PACRGL: variants seen among roughly 807,000 people sequenced by gnomAD.
PACRGL encodes the protein PACRG-like protein.
PACRGL carries 38 observed loss-of-function variants against 34.5 expected under a neutral mutation model. The ratio of observed to expected loss-of-function variants is 1.10; its 90% CI spans 0.85 to 1.44. PACRGL has a LOEUF of 1.44. PACRGL is among the 40% of genes most tolerant of loss of function. The pLI, the probability that PACRGL is intolerant of heterozygous loss-of-function variation, is 0.00. For synonymous variants in PACRGL, 128 were observed against 100.1 expected, an observed-to-expected ratio of 1.28 and a Z score of -1.66; for missense variants, 305 against 281.4, an observed-to-expected ratio of 1.08 and a Z score of -0.60.
chr4:20,725,716 C>G (rs1560371417), intron 8 of PACRGL, among the ~76,000 whole-genome samples: 1 of 151,880 alleles, frequency 6.6e-6, no homozygotes, highest in African/African-American at 2.4e-5. Context: ...AGACATAAAG[C>G]TTTAGCGAAA....
rs113862107 is a variant in PACRGL, at chr4:20,719,704, A to G, written c.610-5104A>G. ...ACTGTGGTCTGAGAGACAGTTTGTT[A>G]TAATTTCTGTTCTTTTACATTTGCT... On this transcript the variant is annotated intron_variant, in intron 7 of 8. Transcript: ENST00000503585. Among the ~76,000 whole-genome samples the G allele has an allele frequency of 3.9e-3, 596 of 152,164 alleles. 6 individuals carry two copies. Among genetic ancestry groups the G allele is most frequent in the African/African-American group, 0.013 (526 of 41,456 alleles).
At chr4:20,705,547 T>C (rs1021611352) in intron 3 of PACRGL, among the ~76,000 whole-genome samples, 3 of 152,118 alleles carry the variant, frequency 2.0e-5, no homozygotes, top group African/African-American at 7.2e-5. Flanking sequence ...AGCGGCTATG[T>C]TCCTTTGCTT....
intron 7 of PACRGL, chr4:20,718,805 GTC>G: frequency 6.6e-6 from 1 of 152,156 alleles, no homozygotes; most frequent in African/African-American, 2.4e-5. Flanking sequence ...TTTTTGTTGT[GTC>G]TCTGCCAGGT....
chr4:20,703,427 G>T (rs1733082577), intron 1 of PACRGL, among the ~76,000 whole-genome samples: 1 of 151,948 alleles, frequency 6.6e-6, no homozygotes, highest in African/African-American at 2.4e-5. Context: ...CTTCATGGAA[G>T]TTGGGAATGA....
At chr4:20,763,705 C>T in the PACRGL span, among the ~76,000 whole-genome samples, 1 of 152,094 alleles carries the variant, frequency 6.6e-6, no homozygotes, top group African/African-American at 2.4e-5. Flanking sequence ...AGTTCTCCCA[C>T]TGATGCTTTA....
intron 4 of PACRGL, 124 bp downstream of exon 4, chr4:20,707,994 T>C (rs1209086227): frequency 8.1e-6 from 6 of 744,198 alleles, no homozygotes; most frequent in Non-Finnish European, 1.3e-5. Context: ...AAGATGACTT[T>C]ATTCACACTT....
At chr4:20,710,163 C>T (rs143970839) in intron 5 of PACRGL, among the ~76,000 whole-genome samples, 6 of 152,256 alleles carry the variant, frequency 3.9e-5, no homozygotes, top group African/African-American at 1.4e-4. Context: ...ATCGTGTTGA[C>T]ATGATGTGTT....
upstream of PACRGL, among the ~76,000 whole-genome samples, chr4:20,697,718 G>C (rs758998643): frequency 4.6e-5 from 7 of 152,166 alleles, no homozygotes; most frequent in Non-Finnish European, 1.0e-4. Context: ...CTGGAGGCTG[G>C]AAAGTCCACA....
Position 20,730,227 on chromosome 4 carries a change from C to CAACCA in PACRGL, c.*2887_*2891dup. The stretch of plus-strand genomic sequence containing the variant: ...TATTGCCTCCTCCCATCAACCACCT[C>CAACCA]AACCACCTATGCCAAAAGCTCAAAT... On this transcript the variant is annotated 3_prime_UTR_variant, in exon 9 of 9. Coordinates refer to ENST00000503585, the MANE Select transcript of PACRGL (RefSeq NM_001258345.3). The CAACCA allele has an allele frequency of 7.1e-7, 1 of 1,401,164 alleles. No individual in the cohort carries two copies. The allele number at this position is 1,401,164 out of a possible 1,614,324, so 86.8% of individuals were successfully genotyped here. A position where few individuals can be genotyped will look rare whatever the true frequency, so the allele number is the denominator to read the frequency against.
At chr4:20,697,485 A>C (rs1381980772), upstream of PACRGL, among the ~76,000 whole-genome samples, 1 of 152,228 alleles carries the variant, frequency 6.6e-6, no homozygotes, top group African/African-American at 2.4e-5. Flanking sequence ...ATAAGGTTAT[A>C]TAATATGGAG....
chr4:20,716,070 A>C, intron 7 of PACRGL: 7 of 1,500,990 alleles, frequency 4.7e-6, no homozygotes, highest in African/African-American at 1.4e-5. Context: ...TTTTCCTGAT[A>C]TGTATAACTT....
chr4:20,752,222 C>T (rs907074204), intron 8 of PACRGL, among the ~76,000 whole-genome samples: 1 of 151,924 alleles, frequency 6.6e-6, no homozygotes, highest in Non-Finnish European at 1.5e-5. Context: ...CCATGCCCGG[C>T]GAATTTTTGT....
the PACRGL span, chr4:20,767,176 C>T: frequency 1.3e-5 from 2 of 152,154 alleles, no homozygotes; most frequent in African/African-American, 4.8e-5. Context: ...GTGGTTGAAT[C>T]TAGAATAACA....
chr4:20,716,128 T>C, intron 7 of PACRGL: 4 of 1,510,238 alleles, frequency 2.6e-6, no homozygotes, highest in Non-Finnish European at 2.7e-6. Context: ...GCTCATGAGG[T>C]TCCCAAGACC....
At chr4:20,723,922 T>G (rs1560365051) in intron 7 of PACRGL, among the ~76,000 whole-genome samples, 1 of 152,160 alleles carries the variant, frequency 6.6e-6, no homozygotes, top group Non-Finnish European at 1.5e-5. Context: ...AATGAGGTGC[T>G]ATCGGATCCC....
intron 7 of PACRGL, among the ~76,000 whole-genome samples, 165 bp from the exon 8 acceptor site, chr4:20,724,643 A>G (rs1744857524): frequency 6.6e-6 from 1 of 152,158 alleles, no homozygotes; most frequent in African/African-American, 2.4e-5. Context: ...ATTGTTTTTT[A>G]AAACAAATAC....
At chr4:20,741,269 T>G in intron 8 of PACRGL, among the ~76,000 whole-genome samples, 1 of 152,176 alleles carries the variant, frequency 6.6e-6, no homozygotes, top group Admixed American at 6.5e-5. Flanking sequence ...AGAATATAGA[T>G]TCTTCTCAGC....
intron 2 of PACRGL, 29 bp from the exon 3 acceptor site, chr4:20,704,631 G>A: frequency 6.2e-7 from 1 of 1,613,684 alleles, no homozygotes; most frequent in Non-Finnish European, 8.5e-7. Context: ...CTTGTACCTG[G>A]TTTCTATTGA....
chr4:20,702,003 A>G (rs1329709505), intron 1 of PACRGL: 1 of 445,936 alleles, frequency 2.2e-6, no homozygotes, highest in African/African-American at 2.0e-5. Flanking sequence ...GCTGAAAATT[A>G]TATATTGTAC....
Sources: allele counts gnomAD v4.1 joint callset (sites outside exome capture counted in the v4.1 genomes callset), GRCh38; gene constraint gnomAD v4.1.1; transcripts MANE v1.5; gene names NCBI Gene and HGNC (gene_info 2026-07-23, HGNC 2026-07-21).